Variants in GCFC2 observed in about 807,000 individuals in gnomAD.
GCFC2 encodes intron Large complex component GCFC2.
In GCFC2, 102 loss-of-function variants were observed where a neutral mutation model predicts 99.4. That is an observed-to-expected ratio of 1.03 (90% CI 0.87 to 1.21). The LOEUF is 1.21. GCFC2 is among the 50% of genes most tolerant of loss of function. The pLI is 0.00. For synonymous variants in GCFC2, 338 were observed against 316.8 expected (o/e 1.07, Z -0.71); for missense variants, 973 against 920.9 (o/e 1.06, Z -0.73).
upstream of GCFC2, chr2:75,710,945 G>A: frequency 7.3e-7 from 1 of 1,369,948 alleles, no homozygotes; most frequent in Non-Finnish European, 9.3e-7. Context: ...CTCCCGCCGC[G>A]CCTGGCCGCC....
intron 4 of GCFC2, 86 bp from the exon 5 acceptor site, chr2:75,696,401 C>A: frequency 3.4e-6 from 2 of 580,956 alleles, no homozygotes. Context: ...ACTGGATGAT[C>A]CAAGGTCTCT....
At chr2:75,690,344 G>A (rs1680008507) in intron 8 of GCFC2, 4 of 503,656 alleles carry the variant, frequency 7.9e-6, no homozygotes, top group Non-Finnish European at 1.0e-5. Context: ...ACATTCCCAT[G>A]GGCTAACCAG....
At chr2:75,684,490 G>A (rs1573061615) in intron 11 of GCFC2, among the ~76,000 whole-genome samples, 1 of 152,132 alleles carries the variant, frequency 6.6e-6, no homozygotes, top group Admixed American at 6.5e-5. Flanking sequence ...TGTGTAGAGG[G>A]AAATTTATAG....
chr2:75,689,874 A>G (rs1008398715), intron 9 of GCFC2, 95 bp downstream of exon 9: 2 of 679,998 alleles, frequency 2.9e-6, no homozygotes, highest in Non-Finnish European at 5.2e-6. Context: ...CAACTGTTTT[A>G]TATAGCTTAT....
intron 10 of GCFC2, among the ~76,000 whole-genome samples, chr2:75,688,413 T>C (rs1198596568): frequency 2.6e-5 from 4 of 152,240 alleles, no homozygotes; most frequent in Admixed American, 1.3e-4. Context: ...TTGTATGTGA[T>C]TTAGTTAAAG....
chr2:75,672,619 A>G (rs1232491420), intron 13 of GCFC2, among the ~76,000 whole-genome samples: 1 of 152,128 alleles, frequency 6.6e-6, no homozygotes, highest in Non-Finnish European at 1.5e-5. Context: ...AGTTATGATC[A>G]TACATCAAAT....
intron 1 of GCFC2, among the ~76,000 whole-genome samples, chr2:75,706,918 GA>G (rs200622606): frequency 3.4e-5 from 5 of 149,016 alleles, no homozygotes; most frequent in African/African-American, 4.9e-5. Context: ...AGGCATTAGA[GA>G]AAAAAAAAGC....
chr2:75,679,706 G>C (rs1679485114), intron 12 of GCFC2: 1 of 398,364 alleles, frequency 2.5e-6, no homozygotes, highest in Non-Finnish European at 4.4e-6. Flanking sequence ...CAAAGGTAAT[G>C]AGTATTGTTG....
At chr2:75,702,153 T>C in intron 3 of GCFC2, 46 bp downstream of exon 3, 1 of 1,569,604 alleles carries the variant, frequency 6.4e-7, no homozygotes. Context: ...TCATATTATA[T>C]TCTAATAAAA....
chr2:75,666,769 G>A (rs1463370521), intron 15 of GCFC2, among the ~76,000 whole-genome samples: 1 of 151,806 alleles, frequency 6.6e-6, no homozygotes, highest in Non-Finnish European at 1.5e-5. Context: ...GGAGGGAAAA[G>A]GGGAGAAAGG....
Position 75,690,665 on chromosome 2 carries a change from CA to C in GCFC2, c.1198del (p.Trp400GlyfsTer3). The C allele has an allele frequency of 6.4e-7, 1 of 1,552,148 alleles. No homozygotes were observed. ...TCGAGATTCAATCTCTTCTAAAATC[CA>C]CTGAGTTTTTTCATCTACTGAGAAG... ...GNFSVDEKTQ[W>X]ILEEIESRRT... On this transcript the variant is annotated frameshift_variant, in exon 8 of 17. Transcript: ENST00000321027. LOFTEE classifies it high-confidence loss of function.
At chr2:75,709,652 A>C (rs1301757086) in intron 1 of GCFC2, among the ~76,000 whole-genome samples, 2 of 152,234 alleles carry the variant, frequency 1.3e-5, no homozygotes, top group African/African-American at 4.8e-5. Context: ...AAAATTAATA[A>C]CAATGCATTG....
intron 5 of GCFC2, among the ~76,000 whole-genome samples, chr2:75,694,814 A>C (rs1216709584): frequency 6.6e-6 from 1 of 152,064 alleles, no homozygotes; most frequent in Non-Finnish European, 1.5e-5. Flanking sequence ...AGAGCAGGGT[A>C]TATAATGTCC....
rs1203580733 is a variant in GCFC2 at position 75,702,407 on chromosome 2, T to C, written c.411A>G (p.Ala137=). The change falls in exon 3 of 17, where the codon GCA becomes GCG. Residue 137 remains alanine, a synonymous_variant. Transcript: ENST00000321027. Reference sequence around the variant, plus strand: ...TTCTGCGGGCTGCCTGAATAAAAGCTGCATCTGGGATCTTAACTGAAGGAA... The same window carrying C: ...TTCTGCGGGCTGCCTGAATAAAAGCCGCATCTGGGATCTTAACTGAAGGAA... ...ELSSTVKIPD[A]AFIQAARRKR... 3.1e-6 allele frequency: 5 copies of C among 1,613,388 alleles called. No homozygotes were observed. In the Admixed American group the frequency reaches 8.3e-5, roughly 27 times the overall value.
intron 11 of GCFC2, among the ~76,000 whole-genome samples, chr2:75,680,958 G>A (rs1426258874): frequency 1.3e-5 from 2 of 152,004 alleles, no homozygotes; most frequent in East Asian, 1.9e-4. Flanking sequence ...ACCACTTCAG[G>A]CAAACTGTTT....
rs1378272417 is a variant in GCFC2 at position 75,687,841 on chromosome 2, A to G, written c.1676T>C (p.Ile559Thr). 1.9e-6 allele frequency: 3 copies of G among 1,604,720 alleles called. No individual in the cohort carries two copies. The Admixed American group carries it at 5.2e-5, about 28-fold the overall frequency. ...CGAAGCAGTACCTGTAAGTCGGGGA[A>G]TAATTGTTTTGTTGATGATTGCAGA... The part of the protein sequence containing the change: ...VLSAIINKTI[I>T]PRLTDFVEFL... The change falls in exon 11 of 17, where the codon ATT becomes ACT. Residue 559 changes from isoleucine to threonine, a missense_variant. Coordinates refer to ENST00000321027, the MANE Select transcript of GCFC2 (RefSeq NM_003203.5).
intron 5 of GCFC2, among the ~76,000 whole-genome samples, chr2:75,695,128 G>T (rs911719888): frequency 2.2e-4 from 33 of 152,122 alleles, no homozygotes; most frequent in African/African-American, 7.7e-4. Context: ...CTCATGCAAG[G>T]TTATCTTTGT....
chr2:75,710,489 C>A (rs577943074), intron 1 of GCFC2, 102 bp downstream of exon 1: 3 of 1,392,782 alleles, frequency 2.2e-6, no homozygotes, highest in South Asian at 3.2e-5. Flanking sequence ...GGCTTGTGGT[C>A]GGCAGCAAGT....
chr2:75,690,876 A>C (rs1680037486), intron 7 of GCFC2, 157 bp from the exon 8 acceptor site: 1 of 538,070 alleles, frequency 1.9e-6, no homozygotes, highest in African/African-American at 2.0e-5. Context: ...ATGACATTTC[A>C]ATGTTAACTC....
Sources: gnomAD v4.1 joint callset for allele counts (sites outside exome capture counted in the v4.1 genomes callset) on GRCh38, gnomAD v4.1.1 for gene constraint, MANE v1.5 for transcripts, NCBI Gene and HGNC (gene_info 2026-07-23, HGNC 2026-07-21) for gene names.